Variants in CACNA1A observed in about 807,000 individuals in gnomAD.
The protein encoded by CACNA1A is calcium voltage-gated channel subunit alpha1 A.
A neutral mutation model predicts 262.4 loss-of-function variants in CACNA1A; 57 were observed. The ratio of observed to expected loss-of-function variants is 0.22; its 90% confidence interval spans 0.18 to 0.27. CACNA1A has a LOEUF of 0.27. CACNA1A is among the 10% of genes least tolerant of loss of function. The pLI is 1.00. For synonymous variants in CACNA1A, 1,431 were observed against 1,419.3 expected, an observed-to-expected ratio of 1.01 and a Z score of -0.18; for missense variants, 2,526 against 3,562.8, an observed-to-expected ratio of 0.71 and a Z score of 7.41.
chr19:13,475,333 T>C (rs1481651471), intron 1 of CACNA1A, among the ~76,000 whole-genome samples: 1 of 152,186 alleles, frequency 6.6e-6, no homozygotes, highest in Non-Finnish European at 1.5e-5. Context: ...TGGGGACTGA[T>C]CTATGTCATC....
chr19:13,412,065 T>C (rs117020083), intron 3 of CACNA1A, among the ~76,000 whole-genome samples: 4 of 151,804 alleles, frequency 2.6e-5, no homozygotes, highest in Non-Finnish European at 5.9e-5. Context: ...AAATCTAAAA[T>C]TAAGTCAACA....
chr19:13,284,706 A>G, intron 21 of CACNA1A: 1 of 257,798 alleles, frequency 3.9e-6, no homozygotes, highest in Non-Finnish European at 7.6e-6. Context: ...TGTGTACTGC[A>G]CAAGGCAGCC....
chr19:13,404,996 A>C (rs1390482811), intron 3 of CACNA1A, among the ~76,000 whole-genome samples: 3 of 151,920 alleles, frequency 2.0e-5, no homozygotes, highest in Non-Finnish European at 2.9e-5. Flanking sequence ...TCCCGGGTTC[A>C]AGCGATTCTC....
intron 3 of CACNA1A, among the ~76,000 whole-genome samples, chr19:13,413,247 C>T (rs2060144987): frequency 6.6e-6 from 1 of 151,848 alleles, no homozygotes; most frequent in Non-Finnish European, 1.5e-5. Flanking sequence ...GCTGGGACTA[C>T]AGGCGCCCGC....
At chr19:13,382,232 G>T (rs534659025) in intron 3 of CACNA1A, among the ~76,000 whole-genome samples, 1 of 152,164 alleles carries the variant, frequency 6.6e-6, no homozygotes, top group Admixed American at 6.5e-5. Flanking sequence ...CAGCATTATC[G>T]CAGAGCTCAT....
chr19:13,463,825 T>C (rs1055517690), intron 1 of CACNA1A, among the ~76,000 whole-genome samples: 3 of 152,192 alleles, frequency 2.0e-5, no homozygotes, highest in Non-Finnish European at 4.4e-5. Context: ...CTTAGAAAAC[T>C]GGCAATATCT....
intron 22 of CACNA1A, among the ~76,000 whole-genome samples, chr19:13,282,995 C>T (rs1171122589): frequency 3.3e-5 from 5 of 152,264 alleles, no homozygotes; most frequent in Admixed American, 6.5e-5. Context: ...GCTAGTCTCA[C>T]GCCTCCATTA....
chr19:13,355,409 T>G (rs1489692257), intron 6 of CACNA1A, among the ~76,000 whole-genome samples: 1 of 152,182 alleles, frequency 6.6e-6, no homozygotes, highest in Non-Finnish European at 1.5e-5. Flanking sequence ...ACTCAGTCTG[T>G]GGTGCTTCAT....
rs2054628105 is a variant in CACNA1A, at chr19:13,207,924, G to A, written c.6910C>T (p.Arg2304Cys). The change falls in exon 47 of 47, where the codon CGT (arginine) becomes TGT (cysteine). Residue 2304 changes from arginine (R) to cysteine (C), a missense_variant. By Grantham distance (180) the Arg-to-Cys change is radical. This residue lies in a region of CACNA1A where 929 missense variants were observed against 868.1 expected (regional missense o/e 1.07). Coordinates refer to ENST00000360228, the MANE Select transcript of CACNA1A (RefSeq NM_001127222.2). The surrounding 1 kb of genome is among the most constrained non-coding windows in gnomAD (Gnocchi z 5.7). ...GGGGGCCCCGAGCCGCCGGCCTTAC[G>A]GATCACAGGGGAATAGGACACGTGT... is the stretch of plus-strand genomic sequence containing the variant. ...RPHVSYSPVI[R>C]KAGGSGPPQQ... The A allele has an allele frequency of 1.4e-6, 2 of 1,454,416 alleles. No homozygotes were observed. Among genetic ancestry groups the A allele is most frequent in the East Asian group, 2.8e-5 (1 of 35,312 alleles). 90.1% of individuals were successfully genotyped at this position (1,454,416 alleles called of 1,614,324 possible).
intron 3 of CACNA1A, among the ~76,000 whole-genome samples, chr19:13,414,597 C>T (rs1236430213): frequency 6.6e-6 from 1 of 152,106 alleles, no homozygotes; most frequent in African/African-American, 2.4e-5. Flanking sequence ...AACAAAGAAA[C>T]ACAAGCCAAA....
At chr19:13,229,057 A>C in intron 36 of CACNA1A, 9 of 146,832 alleles carry the variant, frequency 6.1e-5, no homozygotes, top group Admixed American at 1.3e-4. Flanking sequence ...CATGGGCTAC[A>C]GGGGTGGGGG....
chr19:13,414,867 G>A (rs368868604), intron 3 of CACNA1A, among the ~76,000 whole-genome samples: 3 of 152,132 alleles, frequency 2.0e-5, no homozygotes, highest in Admixed American at 6.6e-5. Context: ...AGAGGCTGAG[G>A]GGGGAGGATC....
intron 6 of CACNA1A, among the ~76,000 whole-genome samples, chr19:13,342,402 C>T (rs970044197): frequency 1.9e-4 from 29 of 152,060 alleles, no homozygotes; most frequent in African/African-American, 5.3e-4. Flanking sequence ...AGTCTGAATT[C>T]GGGAAGGAGA....
chr19:13,307,892 C>T (rs182739384), intron 14 of CACNA1A, 38 bp from the exon 15 acceptor site: 3 of 1,583,672 alleles, frequency 1.9e-6, no homozygotes, highest in Non-Finnish European at 8.7e-7. Context: ...TTGGCCCCAC[C>T]CGGGGTGCTC....
chr19:13,226,783 C>T (rs539786317), intron 37 of CACNA1A, among the ~76,000 whole-genome samples: 60 of 152,260 alleles, frequency 3.9e-4, no homozygotes, highest in African/African-American at 1.1e-3. Flanking sequence ...CAGCTGCGGC[C>T]GCCTGCCCAC....
chr19:13,303,282 TGA>T, intron 17 of CACNA1A, among the ~76,000 whole-genome samples: 2 of 152,294 alleles, frequency 1.3e-5, no homozygotes, highest in East Asian at 3.9e-4. Flanking sequence ...GCCTTTTGGT[TGA>T]GTTTGCCATC....
At chr19:13,482,068 G>A (rs547083096) in intron 1 of CACNA1A, among the ~76,000 whole-genome samples, 1 of 152,090 alleles carries the variant, frequency 6.6e-6, no homozygotes, top group East Asian at 1.9e-4. Context: ...TTCACTTAAA[G>A]GGAAAGAATT....
chr19:13,364,293 T>C (rs1372448272), intron 5 of CACNA1A: 1 of 152,174 alleles, frequency 6.6e-6, no homozygotes. Flanking sequence ...ACAAAATAAA[T>C]CCATGGGTTC....
At chr19:13,459,805 C>G (rs1245989988) in intron 1 of CACNA1A, among the ~76,000 whole-genome samples, 8 of 152,314 alleles carry the variant, frequency 5.3e-5, no homozygotes, top group African/African-American at 1.9e-4. Context: ...TTTGGACCGG[C>G]TCTGGCACTG....
Sources: allele counts gnomAD v4.1 joint callset (sites outside exome capture counted in the v4.1 genomes callset), GRCh38; gene constraint gnomAD v4.1.1; regional missense constraint gnomAD v4.1.1; non-coding constraint Gnocchi (gnomAD v3.1); transcripts MANE v1.5; gene names NCBI Gene and HGNC (gene_info 2026-07-23, HGNC 2026-07-21).